Variants in PKNOX2 observed in about 807,000 individuals in gnomAD.
The protein encoded by PKNOX2 is homeobox protein PKNOX2.
A neutral mutation model predicts 53.1 loss-of-function variants in PKNOX2; 14 were observed. That is an observed-to-expected ratio of 0.26 (90% CI 0.17 to 0.41). The LOEUF (loss-of-function observed/expected upper bound fraction) is 0.41, where lower values mean the gene tolerates loss of function less well. Ranked by LOEUF, PKNOX2 falls within the 10% of genes least tolerant of loss-of-function variation. PKNOX2 has a pLI of 1.00. For synonymous variants in PKNOX2, 257 were observed against 242.8 expected, an observed-to-expected ratio of 1.06 and a Z score of -0.54; for missense variants, 496 against 602.8, an observed-to-expected ratio of 0.82 and a Z score of 1.85.
chr11:125,182,369 A>G (rs1190709057), intron 1 of PKNOX2, among the ~76,000 whole-genome samples: 5 of 152,212 alleles, frequency 3.3e-5, no homozygotes, highest in Admixed American at 6.5e-5. Flanking sequence ...AGATAGGCAG[A>G]TAGATGTCTA....
At chr11:125,385,858 G>A in intron 6 of PKNOX2, 136 bp downstream of exon 6, 2 of 1,053,578 alleles carry the variant, frequency 1.9e-6, no homozygotes, top group Non-Finnish European at 2.7e-6. Flanking sequence ...TGCACTAGAT[G>A]CACCAGTCTT....
At chr11:125,248,753 C>T (rs1297803504) in intron 2 of PKNOX2, among the ~76,000 whole-genome samples, 1 of 147,628 alleles carries the variant, frequency 6.8e-6, no homozygotes, top group Non-Finnish European at 1.5e-5. Flanking sequence ...ATACAAGCCA[C>T]ACTACTGTAC....
chr11:125,405,687 G>A (rs1329155871), intron 7 of PKNOX2, among the ~76,000 whole-genome samples: 2 of 152,182 alleles, frequency 1.3e-5, no homozygotes, highest in Non-Finnish European at 2.9e-5. Flanking sequence ...AGAGGATGGT[G>A]CTCGGGAGGC....
chr11:125,248,859 AAT>A (rs935043478), intron 2 of PKNOX2, among the ~76,000 whole-genome samples: 12 of 145,028 alleles, frequency 8.3e-5, no homozygotes, highest in African/African-American at 2.0e-4. Context: ...TAACATATAT[AAT>A]ATATATATAT....
At chr11:125,300,385 A>G (rs1210699693) in intron 2 of PKNOX2, among the ~76,000 whole-genome samples, 1 of 152,268 alleles carries the variant, frequency 6.6e-6, no homozygotes, top group Non-Finnish European at 1.5e-5. Context: ...CTCTCTAGGG[A>G]TATTAGTATC....
chr11:125,222,625 G>GTGTGTGCGTATGTGTGTGCTGTGTA (rs1941276237), intron 1 of PKNOX2, among the ~76,000 whole-genome samples: 1 of 149,218 alleles, frequency 6.7e-6, no homozygotes, highest in Non-Finnish European at 1.5e-5. Context: ...GTGTGTGTAT[G>GTGTGTGCGTATGTGTGTGCTGTGTA]TGTGTGTGTA....
At position 125,303,153 on chromosome 11, in the gene PKNOX2, T is replaced by G. The variant is rs1250277272; in HGVS notation, c.-129-28666T>G. 2.6e-5 allele frequency among the ~76,000 whole-genome samples: 4 copies of G among 152,336 alleles called. No individual in the cohort carries two copies. In the East Asian group the frequency reaches 7.7e-4, roughly 29 times the overall value. ...TCTCCGTACCCTCCAAAACCTGACC[T>G]GCAGCTGGGACCCCAGGCCACAGAA... On this transcript the variant is annotated intron_variant, in intron 2 of 12. Transcript: ENST00000298282.
At chr11:125,388,358 C>T (rs1443188028) in intron 6 of PKNOX2, among the ~76,000 whole-genome samples, 1 of 152,150 alleles carries the variant, frequency 6.6e-6, no homozygotes, top group Non-Finnish European at 1.5e-5. Context: ...CAACCCCGCA[C>T]ACGTAGCCCA....
intron 1 of PKNOX2, among the ~76,000 whole-genome samples, chr11:125,212,383 A>G: frequency 6.6e-6 from 1 of 150,648 alleles, no homozygotes; most frequent in Non-Finnish European, 1.5e-5. Flanking sequence ...AGGTGTGGTT[A>G]TACCTGACAT....
intron 10 of PKNOX2, among the ~76,000 whole-genome samples, chr11:125,419,851 C>T (rs956711753): frequency 2.1e-5 from 3 of 144,368 alleles, no homozygotes; most frequent in Non-Finnish European, 3.0e-5. Context: ...AGCAACATAG[C>T]GAGACCTCAT....
At chr11:125,232,893 TTTTGC>T (rs1163359085) in intron 1 of PKNOX2, among the ~76,000 whole-genome samples, 3 of 152,172 alleles carry the variant, frequency 2.0e-5, no homozygotes, top group Non-Finnish European at 4.4e-5. Context: ...TTTTGTTTTG[TTTTGC>T]AATACTTTTT....
At chr11:125,178,400 A>G (rs1955847966) in intron 1 of PKNOX2, among the ~76,000 whole-genome samples, 1 of 151,542 alleles carries the variant, frequency 6.6e-6, no homozygotes, top group Non-Finnish European at 1.5e-5. Flanking sequence ...AATCCCAGCT[A>G]CTTGGGAGGC....
chr11:125,208,766 A>G (rs1358759193), intron 1 of PKNOX2, among the ~76,000 whole-genome samples: 3 of 132,790 alleles, frequency 2.3e-5, no homozygotes, highest in African/African-American at 9.0e-5. Context: ...GGTGGTTGGA[A>G]GAAAAGGGTA....
At chr11:125,247,961 A>C (rs1457335767) in intron 2 of PKNOX2, among the ~76,000 whole-genome samples, 2 of 152,146 alleles carry the variant, frequency 1.3e-5, no homozygotes, top group Non-Finnish European at 2.9e-5. Flanking sequence ...CTTCAGGGGA[A>C]AGCAATTTCT....
intron 6 of PKNOX2, 105 bp downstream of exon 6, chr11:125,385,827 T>TTGAG: frequency 7.4e-7 from 1 of 1,357,390 alleles, no homozygotes; most frequent in Non-Finnish European, 1.0e-6. Flanking sequence ...ACAAAAGGTT[T>TTGAG]TGAGTGCCCA....
At chr11:125,229,647 T>C (rs1423699434) in intron 1 of PKNOX2, among the ~76,000 whole-genome samples, 1 of 152,080 alleles carries the variant, frequency 6.6e-6, no homozygotes, top group Non-Finnish European at 1.5e-5. Context: ...AAAAACAGTG[T>C]GAGGCTGGAG....
chr11:125,324,622 C>A (rs1057369201), intron 2 of PKNOX2, among the ~76,000 whole-genome samples: 7 of 152,124 alleles, frequency 4.6e-5, no homozygotes, highest in Non-Finnish European at 8.8e-5. Context: ...CTGGAACGGT[C>A]CTCGTGCAGC....
chr11:125,220,610 G>A (rs777249220), intron 1 of PKNOX2, among the ~76,000 whole-genome samples: 2 of 152,136 alleles, frequency 1.3e-5, no homozygotes, highest in African/African-American at 2.4e-5. Context: ...GGTCACTGGG[G>A]CAATCAGCCC....
chr11:125,406,462 T>G (rs529211156), intron 7 of PKNOX2, among the ~76,000 whole-genome samples: 1 of 152,344 alleles, frequency 6.6e-6, no homozygotes, highest in East Asian at 1.9e-4. Flanking sequence ...AGAACTCAAG[T>G]GGCTTGAAGG....
Sources: gnomAD v4.1 joint callset for allele counts (sites outside exome capture counted in the v4.1 genomes callset) on GRCh38, gnomAD v4.1.1 for gene constraint, MANE v1.5 for transcripts, NCBI Gene and HGNC (gene_info 2026-07-23, HGNC 2026-07-21) for gene names.